NME7: variants seen among roughly 807,000 people sequenced by gnomAD.
NME7 encodes nucleoside diphosphate kinase 7.
In NME7, 41 loss-of-function variants were observed where a neutral mutation model predicts 49.1. The ratio of observed to expected loss-of-function variants is 0.83; its 90% CI spans 0.65 to 1.08. NME7 has a LOEUF of 1.08. Among genes scored for constraint, NME7 ranks in the 50% least tolerant of loss-of-function variants. NME7 has a pLI of 0.00. For synonymous variants in NME7, 139 were observed against 150.6 expected, an observed-to-expected ratio of 0.92 and a Z score of 0.56; for missense variants, 423 against 463.4, an observed-to-expected ratio of 0.91 and a Z score of 0.80.
intron 10 of NME7, among the ~76,000 whole-genome samples, chr1:169,185,273 A>T (rs1009318590): frequency 6.6e-6 from 1 of 152,096 alleles, no homozygotes; most frequent in Admixed American, 6.5e-5. Flanking sequence ...TGCTTGAGCT[A>T]CTCTTTCAGC....
chr1:169,335,745 A>G (rs1196159379), intron 1 of NME7, among the ~76,000 whole-genome samples: 1 of 147,196 alleles, frequency 6.8e-6, no homozygotes. Context: ...TTTAATATAT[A>G]CTTTTATATA....
chr1:169,257,734 A>C (rs2101858543), intron 7 of NME7, among the ~76,000 whole-genome samples: 1 of 134,404 alleles, frequency 7.4e-6, no homozygotes, highest in Non-Finnish European at 1.8e-5. Flanking sequence ...TAGTAGTAAC[A>C]AATTCTCTCA....
At chr1:169,348,533 C>T (rs1206696996) in intron 1 of NME7, among the ~76,000 whole-genome samples, 3 of 152,042 alleles carry the variant, frequency 2.0e-5, no homozygotes, top group Admixed American at 6.6e-5. Flanking sequence ...GAATAGCATT[C>T]GAATGCCACT....
At chr1:169,259,257 T>C (rs7521582) in intron 7 of NME7, among the ~76,000 whole-genome samples, 61,458 of 130,876 alleles carry the variant, frequency 0.47, 21,796 homozygotes, top group East Asian at 0.91. Flanking sequence ...GACCCTTTCT[T>C]CTCTTAGGGG....
intron 1 of NME7, among the ~76,000 whole-genome samples, chr1:169,335,631 G>A (rs1027528215): frequency 2.0e-5 from 3 of 150,798 alleles, no homozygotes; most frequent in African/African-American, 7.3e-5. Context: ...GTGTACCTAT[G>A]TAACAAACCT....
rs538082065 is a variant in NME7 at position 169,187,127 on chromosome 1, G to A, written c.991-17573C>T. On this transcript the variant is annotated intron_variant, in intron 10 of 11. Transcript: ENST00000367811. ...TGATGGCACTGTGGTCTGAGAGACT[G>A]TTATGATTTTCGTTCTTCTGCATTT... Among the ~76,000 whole-genome samples, 6 of 152,254 alleles carry A rather than the reference G, an allele frequency of 3.9e-5. No individual in the cohort carries two copies. The East Asian group carries it at 9.7e-4, about 25-fold the overall frequency.
chr1:169,274,548 A>G (rs1040991526), intron 7 of NME7, among the ~76,000 whole-genome samples: 3 of 133,674 alleles, frequency 2.2e-5, no homozygotes, highest in Non-Finnish European at 3.5e-5. Context: ...GCCTATGCCT[A>G]TGTCCTGAAT....
chr1:169,260,842 T>C (rs2101863006), intron 7 of NME7, among the ~76,000 whole-genome samples: 2 of 134,080 alleles, frequency 1.5e-5, no homozygotes, highest in African/African-American at 5.0e-5. Flanking sequence ...CCATGAGTTC[T>C]AAAATGGCAT....
At chr1:169,162,845 A>G (rs1357399116) in intron 11 of NME7, among the ~76,000 whole-genome samples, 1 of 152,162 alleles carries the variant, frequency 6.6e-6, no homozygotes, top group African/African-American at 2.4e-5. Context: ...TCTCAAAATA[A>G]TAATAATAAT....
intron 1 of NME7, among the ~76,000 whole-genome samples, chr1:169,352,911 TA>T (rs1295791617): frequency 6.6e-6 from 1 of 151,878 alleles, no homozygotes; most frequent in Admixed American, 6.6e-5. Flanking sequence ...AAAAAGCCAC[TA>T]AAAAATTGAA....
rs546720631 is a variant in NME7, at chr1:169,227,119, G to GA, written c.990+3598dup. Among the ~76,000 whole-genome samples, 23 of 151,870 alleles carry GA rather than the reference G, an allele frequency of 1.5e-4. No homozygotes were observed. In the East Asian group the frequency reaches 2.5e-3, roughly 17 times the overall value. On this transcript the variant is annotated intron_variant, in intron 10 of 11. Coordinates refer to ENST00000367811, the MANE Select transcript of NME7 (RefSeq NM_013330.5). Reference sequence around the variant, plus strand: ...TAAATGTTCCTTGAATAAATACTTAGAAAAAAAATGGGAATCAGCATTGTT... The same window carrying GA: ...TAAATGTTCCTTGAATAAATACTTAGAAAAAAAAATGGGAATCAGCATTGTT...
At chr1:169,186,860 T>C (rs1038167023) in intron 10 of NME7, among the ~76,000 whole-genome samples, 7 of 152,172 alleles carry the variant, frequency 4.6e-5, no homozygotes, top group Non-Finnish European at 1.0e-4. Flanking sequence ...CAATTTTAGA[T>C]CTTTCCAGCT....
chr1:169,258,016 T>A (rs76744225), intron 7 of NME7, among the ~76,000 whole-genome samples: 2,395 of 133,110 alleles, frequency 0.018, 301 homozygotes, highest in African/African-American at 0.057. Context: ...TCCTTACCTA[T>A]AATTAGTTTG....
At chr1:169,212,830 T>C (rs12140995) in intron 10 of NME7, among the ~76,000 whole-genome samples, 46,613 of 151,908 alleles carry the variant, frequency 0.31, 7,734 homozygotes, top group Non-Finnish European at 0.39. Flanking sequence ...GGTCTCACTA[T>C]GTTACACAAG....
intron 10 of NME7, among the ~76,000 whole-genome samples, chr1:169,184,870 A>T (rs1660024999): frequency 3.3e-5 from 5 of 152,234 alleles, no homozygotes; most frequent in Admixed American, 3.3e-4. Context: ...TTCATGGTGT[A>T]AATATTCCTA....
At chr1:169,174,900 T>C (rs753161887) in intron 10 of NME7, among the ~76,000 whole-genome samples, 2 of 152,198 alleles carry the variant, frequency 1.3e-5, no homozygotes, top group Non-Finnish European at 2.9e-5. Flanking sequence ...TATAAAACAC[T>C]GTACACTTGG....
chr1:169,355,839 G>T (rs1448546728), intron 1 of NME7, among the ~76,000 whole-genome samples: 1 of 152,042 alleles, frequency 6.6e-6, no homozygotes, highest in Admixed American at 6.6e-5. Context: ...CATCTCCCCA[G>T]AAATTTTAGC....
At chr1:169,228,565 T>C (rs1256665921) in intron 10 of NME7, among the ~76,000 whole-genome samples, 1 of 150,618 alleles carries the variant, frequency 6.6e-6, no homozygotes. Context: ...TAGTCCCAGC[T>C]ACTCGGGAGG....
At chr1:169,150,846 C>T (rs1658893644) in intron 11 of NME7, among the ~76,000 whole-genome samples, 1 of 151,192 alleles carries the variant, frequency 6.6e-6, no homozygotes, top group Non-Finnish European at 1.5e-5. Flanking sequence ...TCTTGCAAGG[C>T]AATATAATTT....
Sources: gnomAD v4.1 joint callset for allele counts (sites outside exome capture counted in the v4.1 genomes callset) on GRCh38, gnomAD v4.1.1 for gene constraint, MANE v1.5 for transcripts, NCBI Gene and HGNC (gene_info 2026-07-23, HGNC 2026-07-21) for gene names.